Variants in XPOT observed in about 807,000 individuals in gnomAD.
XPOT encodes the protein exportin-T.
Under a neutral mutation model 128.2 loss-of-function variants are expected in XPOT, and 34 were observed. The observed-to-expected ratio is 0.27, with a 90% CI of 0.20 to 0.35. The LOEUF (loss-of-function observed/expected upper bound fraction) is 0.35, where lower values mean the gene tolerates loss of function less well. Among genes scored for constraint, XPOT ranks in the 10% least tolerant of loss-of-function variants. XPOT has a pLI of 1.00. For synonymous variants in XPOT, 348 were observed against 394.3 expected, an observed-to-expected ratio of 0.88 and a Z score of 1.39; for missense variants, 838 against 1,125.3, an observed-to-expected ratio of 0.74 and a Z score of 3.65.
chr12:64,449,810 C>T lies in XPOT; in HGVS notation c.*1679C>T, dbSNP rs1371369990. On this transcript the variant is annotated 3_prime_UTR_variant, in exon 25 of 25. Coordinates refer to ENST00000332707, the MANE Select transcript of XPOT (RefSeq NM_007235.6). ...TGTACTATAGGAGTGATAATTGCAGCTATTGCAATAGTAGTAATTGTTAAA... is the reference window on the plus strand; with the variant it reads ...TGTACTATAGGAGTGATAATTGCAGTTATTGCAATAGTAGTAATTGTTAAA... 1 of 152,158 alleles carries T rather than the reference C, an allele frequency of 6.6e-6. No individual in the cohort carries two copies. The highest frequency in any genetic ancestry group is 1.5e-5 in the Non-Finnish European group (1 of 68,026). 9.4% of individuals were successfully genotyped at this position (152,158 alleles called of 1,614,324 possible).
chr12:64,447,532 G>A (rs904898349), intron 24 of XPOT, among the ~76,000 whole-genome samples: 4 of 151,786 alleles, frequency 2.6e-5, no homozygotes, highest in Admixed American at 2.6e-4. Context: ...AGGCTGGAGT[G>A]CAGTGGCACG....
Position 64,448,224 on chromosome 12 carries a change from C to T in XPOT, c.*93C>T. 1 of 1,266,182 alleles carries T rather than the reference C, an allele frequency of 7.9e-7. No homozygotes were observed. The highest frequency in any genetic ancestry group is 1.7e-5 in the Admixed American group (1 of 59,310). The allele number at this position is 1,266,182 out of a possible 1,614,324, so 78.4% of individuals were successfully genotyped here. A position where few individuals can be genotyped will look rare whatever the true frequency, so the allele number is the denominator to read the frequency against. On this transcript the variant is annotated 3_prime_UTR_variant, in exon 25 of 25. Coordinates refer to ENST00000332707, the MANE Select transcript of XPOT (RefSeq NM_007235.6). ...GTGTGCCATTCACACTGGTCTTTTT[C>T]ACATTGTTTTGAGCTTATTGCAGTA...
Position 64,434,788 on chromosome 12 carries a change from T to TAGGGCCGTC in XPOT, c.2570-6_2570-5insAGGGCCGTC. The TAGGGCCGTC allele has an allele frequency of 6.2e-7, 1 of 1,610,944 alleles. No individual in the cohort carries two copies. The highest frequency in any genetic ancestry group is 8.5e-7 in the Non-Finnish European group (1 of 1,179,228). ...TATAAGATGAAAATTTGAATTCTCT[T>TAGGGCCGTC]GACAGGAGGTAAAGATGGACCAGTG... is the stretch of plus-strand genomic sequence containing the variant. On this transcript the variant is annotated splice_polypyrimidine_tract_variant and splice_region_variant and intron_variant, in intron 20 of 24. Coordinates refer to ENST00000332707, the MANE Select transcript of XPOT (RefSeq NM_007235.6).
intron 22 of XPOT, among the ~76,000 whole-genome samples, chr12:64,438,795 T>A (rs541088236): frequency 1.3e-5 from 2 of 152,066 alleles, no homozygotes; most frequent in South Asian, 4.2e-4. Flanking sequence ...GCCCAGCTAA[T>A]TTTTTTGTAT....
chr12:64,429,121 CCTTT>C (rs1264050727), intron 16 of XPOT, among the ~76,000 whole-genome samples: 1 of 152,156 alleles, frequency 6.6e-6, no homozygotes, highest in East Asian at 1.9e-4. Flanking sequence ...ACAGAAAGGA[CCTTT>C]CTTGTGTACA....
chr12:64,410,183 T>C, intron 2 of XPOT, 88 bp downstream of exon 2: 6 of 1,290,440 alleles, frequency 4.6e-6, no homozygotes, highest in Non-Finnish European at 5.5e-6. Flanking sequence ...GGCAAAAGTT[T>C]ACTTTGGGTA....
rs767339570 is a variant in XPOT, at chr12:64,434,489, A to G, written c.2453-18A>G. On this transcript the variant is annotated intron_variant, in intron 19 of 24. Transcript: ENST00000332707. ...GTTAATTTTGGAAATTGCTTAAACTAAAGGTTTTTCTCCTCAGGTGCAGAG... is the reference window on the plus strand; with the variant it reads ...GTTAATTTTGGAAATTGCTTAAACTGAAGGTTTTTCTCCTCAGGTGCAGAG... 6 of 1,585,240 alleles carry G rather than the reference A, an allele frequency of 3.8e-6. No homozygotes were observed. In the Admixed American group the frequency reaches 5.1e-5, roughly 13 times the overall value.
intron 23 of XPOT, among the ~76,000 whole-genome samples, chr12:64,441,288 T>A (rs2136037799): frequency 6.6e-6 from 1 of 152,308 alleles, no homozygotes; most frequent in South Asian, 2.1e-4. Flanking sequence ...ATGTCTGTCT[T>A]AAAAGAGAGA....
chr12:64,441,271 G>C (rs1200140529), intron 23 of XPOT, among the ~76,000 whole-genome samples: 1 of 152,104 alleles, frequency 6.6e-6, no homozygotes, highest in East Asian at 1.9e-4. Flanking sequence ...TTGTTCCATT[G>C]GTTTATATGT....
At chr12:64,435,192 G>T (rs950710614) in intron 21 of XPOT, among the ~76,000 whole-genome samples, 6 of 152,088 alleles carry the variant, frequency 3.9e-5, no homozygotes, top group African/African-American at 1.4e-4. Flanking sequence ...ATTCTTTCAA[G>T]CTTGAGTATT....
intron 9 of XPOT, among the ~76,000 whole-genome samples, 195 bp downstream of exon 9, chr12:64,421,666 A>G (rs1376474642): frequency 6.6e-6 from 1 of 151,412 alleles, no homozygotes; most frequent in Non-Finnish European, 1.5e-5. Flanking sequence ...TTCTAAATTC[A>G]GTAGACTAAC....
At chr12:64,437,732 T>A (rs1322931617) in intron 22 of XPOT, among the ~76,000 whole-genome samples, 2 of 152,202 alleles carry the variant, frequency 1.3e-5, no homozygotes, top group Non-Finnish European at 2.9e-5. Flanking sequence ...TGTAAGTCAG[T>A]CAAAGTAAAG....
chr12:64,437,966 G>A (rs908497688), intron 22 of XPOT, among the ~76,000 whole-genome samples: 13 of 152,088 alleles, frequency 8.5e-5, no homozygotes, highest in Admixed American at 6.6e-4. Context: ...GCAACAGAGC[G>A]AGACTCTGTC....
chr12:64,417,930 C>A, intron 4 of XPOT, 116 bp from the exon 5 acceptor site: 1 of 674,022 alleles, frequency 1.5e-6, no homozygotes. Flanking sequence ...TGTTAGGGAA[C>A]TTCAGATAAT....
intron 9 of XPOT, 126 bp from the exon 10 acceptor site, chr12:64,422,879 G>A: frequency 1.1e-6 from 1 of 879,334 alleles, no homozygotes; most frequent in Non-Finnish European, 1.7e-6. Context: ...CTCCAGCCTG[G>A]GCAACAGAGC....
At chr12:64,434,437 A>G in intron 19 of XPOT, 70 bp from the exon 20 acceptor site, 1 of 1,049,874 alleles carries the variant, frequency 9.5e-7, no homozygotes, top group South Asian at 1.4e-5. Flanking sequence ...AATGTATATG[A>G]AAAGAGAACT....
chr12:64,437,057 A>T (rs2040288526), intron 22 of XPOT, among the ~76,000 whole-genome samples: 1 of 152,154 alleles, frequency 6.6e-6, no homozygotes, highest in Non-Finnish European at 1.5e-5. Context: ...TAAAAAGAAC[A>T]TGAGCTTTTG....
chr12:64,415,109 T>G, intron 3 of XPOT, 120 bp downstream of exon 3: 1 of 643,804 alleles, frequency 1.6e-6, no homozygotes, highest in South Asian at 1.9e-5. Flanking sequence ...TTTTTTTTTT[T>G]GCAAAGCCAT....
Position 64,414,966 on chromosome 12 carries a change from A to G in XPOT, c.120A>G (p.Glu40=). 1 of 1,613,302 alleles carries G rather than the reference A, an allele frequency of 6.2e-7. No homozygotes were observed. Among genetic ancestry groups the G allele is most frequent in the Non-Finnish European group, 8.5e-7 (1 of 1,179,470 alleles). ...ISPDAWQVCA[E]ALAQRTYSDD... is the part of the protein sequence containing the mutation. ...CAGATGCCTGGCAGGTGTGTGCAGA[A>G]GCTCTAGCCCAGAGGACATACAGGT... Residue 40 remains glutamate, a synonymous_variant, in exon 3 of 25, where the codon GAA becomes GAG. Transcript: ENST00000332707.
Sources: gnomAD v4.1 joint callset for allele counts (sites outside exome capture counted in the v4.1 genomes callset) on GRCh38, gnomAD v4.1.1 for gene constraint, MANE v1.5 for transcripts, NCBI Gene and HGNC (gene_info 2026-07-23, HGNC 2026-07-21) for gene names.